The following NAV1 variants were observed in gnomAD, a reference collection of about 807,000 sequenced individuals.
NAV1 encodes neuron navigator 1, also known as pore membrane and/or filament interacting like protein 3.
Under a neutral mutation model 175.2 loss-of-function variants are expected in NAV1, and 18 were observed. The ratio of observed to expected loss-of-function variants is 0.10; its 90% CI spans 0.07 to 0.15. NAV1 has a LOEUF of 0.15. NAV1 is among the 10% of genes least tolerant of loss of function. The pLI, the probability that NAV1 is intolerant of heterozygous loss-of-function variation, is 1.00. For missense variants in NAV1, 1,731 were observed against 2,436.6 expected, an observed-to-expected ratio of 0.71 and a Z score of 6.10; for synonymous variants, 897 against 978.7, an observed-to-expected ratio of 0.92 and a Z score of 1.56.
rs1388279136 is a variant in NAV1 at position 201,642,099 on chromosome 1, C to T, written c.5-6535C>T. On this transcript the variant is annotated intron_variant, in intron 2 of 29. Transcript: ENST00000367302. ...TCCTCCCTCCCTCCCTCCTTCCTTC[C>T]CTTCCTCTTTCTTTCTTCCCTTTCT... Among the ~76,000 whole-genome samples the T allele has an allele frequency of 2.0e-5, 3 of 148,860 alleles. No homozygotes were observed. In the East Asian group the frequency reaches 5.9e-4, roughly 29 times the overall value.
chr1:201,810,473 T>G lies in NAV1; in HGVS notation c.4562-50T>G. The G allele has an allele frequency of 6.6e-7, 1 of 1,518,368 alleles. No homozygotes were observed. The highest frequency in any genetic ancestry group is 9.0e-7 in the Non-Finnish European group (1 of 1,116,388). 94.1% of individuals were successfully genotyped at this position (1,518,368 alleles called of 1,614,324 possible). On this transcript the variant is annotated intron_variant, in intron 23 of 29. Transcript: ENST00000367296. This position sits in a 1 kb window ranked among gnomAD's most constrained non-coding sequence, Gnocchi z 6.0. ...AGAAAAGCCCTTTAGGATCCCTTGCTATCCTCAAGACCCTGGTCAATACTC... is the reference window on the plus strand; with the variant it reads ...AGAAAAGCCCTTTAGGATCCCTTGCGATCCTCAAGACCCTGGTCAATACTC...
In NAV1 at chr1:201,539,228, C is replaced by A. The variant is rs560209061; in HGVS notation, c.-258C>A. ...CGAGGGGCCGAGGCGGCCTGGGGAG[C>A]CCCGGGAAACTTTGTGCTCGCGAGA... On this transcript the variant is annotated 5_prime_UTR_variant, in exon 1 of 34. Transcript: ENST00000685211. The surrounding 1 kb of genome is among the most constrained non-coding windows in gnomAD (Gnocchi z 5.6). 6.6e-6 allele frequency among the ~76,000 whole-genome samples: 1 copy of A among 152,260 alleles called. No homozygotes were observed. Among genetic ancestry groups the A allele is most frequent in the Admixed American group, 6.5e-5 (1 of 15,290 alleles).
At chr1:201,668,806 C>G (rs1435908262) in intron 1 of NAV1, among the ~76,000 whole-genome samples, 1 of 152,156 alleles carries the variant, frequency 6.6e-6, no homozygotes, top group Non-Finnish European at 1.5e-5. Context: ...GGATCCTTCC[C>G]TCCACCTTCT....
chr1:201,649,368 G>C, exon 1 of NAV1: 1 of 1,606,336 alleles, frequency 6.2e-7, no homozygotes, highest in Non-Finnish European at 8.5e-7. Flanking sequence ...GGTGGACCCC[G>C]AGCTGGTGGT....
At chr1:201,716,462 GTC>G (rs1256112768) in intron 2 of NAV1, among the ~76,000 whole-genome samples, 1 of 152,208 alleles carries the variant, frequency 6.6e-6, no homozygotes, top group African/African-American at 2.4e-5. Context: ...CATCACTACA[GTC>G]TCTGGCTTCG....
rs1249124685 is a variant in NAV1 at position 201,742,296 on chromosome 1, G to A, written c.1226+23541G>A. Among the ~76,000 whole-genome samples, 9 of 152,202 alleles carry A rather than the reference G, an allele frequency of 5.9e-5. No homozygotes were observed. The East Asian group carries it at 1.7e-3, about 29-fold the overall frequency. ...CAGGTTTCCCTTAAACTCCAAAGGA[G>A]GCAGCACTGGGAAGATGTGAGGGTA... On this transcript the variant is annotated intron_variant, in intron 3 of 29. Coordinates refer to ENST00000367296, the Ensembl canonical transcript of NAV1.
At chr1:201,749,870 C>T (rs536999769) in intron 3 of NAV1, among the ~76,000 whole-genome samples, 2 of 152,074 alleles carry the variant, frequency 1.3e-5, no homozygotes, top group Admixed American at 6.5e-5. Context: ...CGCCACTGCA[C>T]TCCAGCTGAG....
chr1:201,797,559 G>T (rs1677534020), intron 15 of NAV1: 1 of 152,244 alleles, frequency 6.6e-6, no homozygotes, highest in South Asian at 2.1e-4. Flanking sequence ...ATTGAATTTT[G>T]CTAGGGATTG....
intron 3 of NAV1, among the ~76,000 whole-genome samples, chr1:201,734,056 G>A (rs1156345829): frequency 6.6e-6 from 1 of 152,156 alleles, no homozygotes; most frequent in African/African-American, 2.4e-5. Context: ...AGTGAGAATG[G>A]ATGGTGGCTC....
In NAV1 at chr1:201,803,663, C is replaced by T. The variant is rs771875643; in HGVS notation, c.3588C>T (p.Ser1196=). ...TCAACAGCATCACTAGCCATTCCAG[C>T]ATCGGCAGCAGCAAGGATGCTGATG... Residue 1196 remains serine (S), a synonymous_variant, in exon 16 of 30, where the codon AGC becomes AGT. Coordinates refer to ENST00000367296, the Ensembl canonical transcript of NAV1. The T allele has an allele frequency of 2.9e-5, 47 of 1,613,546 alleles. No homozygotes were observed. The South Asian group carries it at 5.2e-4, about 18-fold the overall frequency.
Position 201,694,735 on chromosome 1 carries a change from G to A in NAV1, c.758-18082G>A, listed in dbSNP as rs747467881. ...TATTCATTGAAAGTCAGGGATGGGC[G>A]AGATGCAGTCTCCAGAGTGACGCAG... is the stretch of plus-strand genomic sequence containing the variant. On this transcript the variant is annotated intron_variant, in intron 1 of 29. Transcript: ENST00000367296. The surrounding 1 kb of genome is among the most constrained non-coding windows in gnomAD (Gnocchi z 4.2). 2.6e-5 allele frequency among the ~76,000 whole-genome samples: 4 copies of A among 152,186 alleles called. No homozygotes were observed. Among genetic ancestry groups the A allele is most frequent in the Non-Finnish European group, 5.9e-5 (4 of 68,022 alleles).
At chr1:201,676,095 C>T (rs1206232270) in intron 1 of NAV1, among the ~76,000 whole-genome samples, 2 of 152,174 alleles carry the variant, frequency 1.3e-5, no homozygotes, top group Non-Finnish European at 2.9e-5. Context: ...GGTTCTGCTT[C>T]CTACCCTATT....
intron 2 of NAV1, among the ~76,000 whole-genome samples, chr1:201,608,378 A>C (rs1319595054): frequency 6.6e-6 from 1 of 152,020 alleles, no homozygotes; most frequent in Admixed American, 6.5e-5. Flanking sequence ...TGCGAATGCC[A>C]GTGGACCCCA....
intron 1 of NAV1, among the ~76,000 whole-genome samples, chr1:201,701,429 G>T (rs5780084): frequency 5.0e-4 from 7 of 14,020 alleles, no homozygotes; most frequent in East Asian, 3.8e-3. Context: ...AATAAAAAAA[G>T]AAAAAGAAAA....
In NAV1 at chr1:201,808,574, A is replaced by G; in HGVS notation, c.4002A>G (p.Gln1334=). 6.2e-7 allele frequency: 1 copy of G among 1,614,222 alleles called. No homozygotes were observed. The highest frequency in any genetic ancestry group is 8.5e-7 in the Non-Finnish European group (1 of 1,180,028). ...TGGAGGCCCTCAACTCTGCCCACCA[A>G]CTGGATCAGCTTCGGGAGACCATGC... Residue 1334 remains glutamine (Q), a synonymous_variant, in exon 19 of 30, where the codon CAA becomes CAG. Coordinates refer to ENST00000367296, the Ensembl canonical transcript of NAV1. This position sits in a 1 kb window ranked among gnomAD's most constrained non-coding sequence, Gnocchi z 5.5.
At chr1:201,744,637 C>T (rs1467839864) in intron 3 of NAV1, among the ~76,000 whole-genome samples, 1 of 152,104 alleles carries the variant, frequency 6.6e-6, no homozygotes, top group Non-Finnish European at 1.5e-5. Context: ...AACTGAAAGC[C>T]AGCAAGCAGG....
chr1:201,719,075 G>C (rs1672260754), intron 3 of NAV1, among the ~76,000 whole-genome samples: 1 of 151,346 alleles, frequency 6.6e-6, no homozygotes, highest in South Asian at 2.1e-4. Context: ...CTGGCTCAAA[G>C]AGCCTTGGAA....
At chr1:201,712,389 C>T (rs1449847762) in intron 1 of NAV1, among the ~76,000 whole-genome samples, 1 of 152,210 alleles carries the variant, frequency 6.6e-6, no homozygotes, top group African/African-American at 2.4e-5. Flanking sequence ...GTGTCCCCTT[C>T]CTCCGAAAGC....
intron 1 of NAV1, among the ~76,000 whole-genome samples, chr1:201,655,419 C>T (rs1022468131): frequency 1.3e-5 from 2 of 152,242 alleles, no homozygotes; most frequent in African/African-American, 2.4e-5. Flanking sequence ...CCAGAGCCTG[C>T]GGCCTTTTCT....
Sources: allele counts gnomAD v4.1 joint callset (sites outside exome capture counted in the v4.1 genomes callset), GRCh38; gene constraint gnomAD v4.1.1; non-coding constraint Gnocchi (gnomAD v3.1); transcripts MANE v1.5; gene names NCBI Gene and HGNC (gene_info 2026-07-23, HGNC 2026-07-21).